The following DLEU7 variants were observed in gnomAD, a reference collection of about 807,000 sequenced individuals.
DLEU7 encodes the protein deleted in lymphocytic leukemia 7, also known as leukemia-associated protein 7.
In DLEU7, 17 loss-of-function variants were observed where a neutral mutation model predicts 16.0. That is an observed-to-expected ratio of 1.06 (90% CI 0.73 to 1.59). DLEU7 has a LOEUF of 1.59. Among genes scored for constraint, DLEU7 ranks in the 40% most tolerant of loss-of-function variants. The probability of loss-of-function intolerance (pLI) is 0.00; values close to 1 mark genes in which losing one functional copy is unlikely to be tolerated. For missense variants in DLEU7, 308 were observed against 314.9 expected (o/e 0.98, Z 0.17); for synonymous variants, 113 against 139.8 (o/e 0.81, Z 1.35).
At chr13:50,835,253 T>A (rs1877416324) in intron 1 of DLEU7, among the ~76,000 whole-genome samples, 1 of 152,150 alleles carries the variant, frequency 6.6e-6, no homozygotes, top group Non-Finnish European at 1.5e-5. Flanking sequence ...TGATGCCAGG[T>A]GCAGTAATGG....
At chr13:50,798,069 C>G (rs376391293) in intron 1 of DLEU7, among the ~76,000 whole-genome samples, 1 of 152,156 alleles carries the variant, frequency 6.6e-6, no homozygotes, top group African/African-American at 2.4e-5. Context: ...TAATAGGTGG[C>G]ACCACCAAAT....
At position 50,823,468 on chromosome 13, in the gene DLEU7, C is replaced by T. The variant is rs752422021; in HGVS notation, c.512G>A (p.Gly171Glu). ...ATTCAAGTCTCTGTCAAACTGCTGT[C>T]CTTCAATCTGTAGAGCCAAATGACT... ...ICSHLALQIE[G>E]QQFDRDLNAA... Residue 171 changes from glycine (G) to glutamate (E), a missense_variant, in exon 2 of 2, where the codon GGA (glycine) becomes GAA (glutamate). Coordinates refer to ENST00000504404, the MANE Select transcript of DLEU7 (RefSeq NM_001306135.2). 2.0e-6 allele frequency: 3 copies of T among 1,535,932 alleles called. No homozygotes were observed. Among genetic ancestry groups the T allele is most frequent in the East Asian group, 2.4e-5 (1 of 40,922 alleles).
upstream of DLEU7, chr13:50,843,757 T>C: frequency 1.4e-6 from 2 of 1,390,720 alleles, no homozygotes; most frequent in South Asian, 1.4e-5. The surrounding 1 kb of genome is among the most constrained non-coding windows in gnomAD (Gnocchi z 5.7). Context: ...CTCCTCGGCC[T>C]CTGGGTCTCA....
chr13:50,775,609 T>G (rs748177241), intron 1 of DLEU7, among the ~76,000 whole-genome samples: 4 of 152,242 alleles, frequency 2.6e-5, no homozygotes, highest in Non-Finnish European at 5.9e-5. Flanking sequence ...CTCCATATTC[T>G]GATTCCTCAG....
intron 1 of DLEU7, among the ~76,000 whole-genome samples, chr13:50,807,000 T>TAAAAAAAA (rs1876409489): frequency 7.9e-6 from 1 of 127,368 alleles, no homozygotes; most frequent in African/African-American, 3.3e-5. Flanking sequence ...AAAAAAAAAG[T>TAAAAAAAA]CGGTCTGCTC....
chr13:50,784,249 C>T (rs1233705095), intron 1 of DLEU7, among the ~76,000 whole-genome samples: 1 of 152,086 alleles, frequency 6.6e-6, no homozygotes, highest in Non-Finnish European at 1.5e-5. Context: ...AGGATTTTTT[C>T]CTAGCTGCTT....
chr13:50,743,889 G>A (rs1874320219), intron 1 of DLEU7, among the ~76,000 whole-genome samples: 3 of 152,296 alleles, frequency 2.0e-5, no homozygotes, highest in East Asian at 1.9e-4. Context: ...TTTGGTGGCT[G>A]TGCTTGTTAT....
At chr13:50,763,639 T>G (rs1304351469) in intron 1 of DLEU7, among the ~76,000 whole-genome samples, 1 of 152,184 alleles carries the variant, frequency 6.6e-6, no homozygotes, top group Non-Finnish European at 1.5e-5. Flanking sequence ...CACCTCTGAA[T>G]GAAATACTCA....
intron 1 of DLEU7, among the ~76,000 whole-genome samples, chr13:50,798,932 G>C (rs781084150): frequency 4.6e-5 from 7 of 152,148 alleles, no homozygotes; most frequent in Non-Finnish European, 1.0e-4. Flanking sequence ...ACTGTCCAGG[G>C]CTTCTTGCTT....
At chr13:50,826,618 G>A (rs926630501) in intron 1 of DLEU7, among the ~76,000 whole-genome samples, 5 of 152,184 alleles carry the variant, frequency 3.3e-5, no homozygotes, top group African/African-American at 1.2e-4. Context: ...GACAGAATGA[G>A]AAAGAGGCAA....
intron 1 of DLEU7, among the ~76,000 whole-genome samples, chr13:50,783,985 A>C (rs532100982): frequency 5.3e-5 from 8 of 152,344 alleles, no homozygotes; most frequent in African/African-American, 1.9e-4. Flanking sequence ...AGAGGTTGCC[A>C]ACCCTTGCTC....
chr13:50,831,158 G>GGAAAA (rs145309017), intron 1 of DLEU7, among the ~76,000 whole-genome samples: 1 of 151,040 alleles, frequency 6.6e-6, no homozygotes, highest in African/African-American at 2.4e-5. Context: ...AAAGGGGAAG[G>GGAAAA]GAAAAGAAAA....
Position 50,808,930 on chromosome 13 carries a change from C to A in DLEU7, c.459+34258G>T, listed in dbSNP as rs556351130. Among the ~76,000 whole-genome samples, 5 of 151,372 alleles carry A rather than the reference C, an allele frequency of 3.3e-5. No homozygotes were observed. The East Asian group carries it at 5.8e-4, about 18-fold the overall frequency. ...AACAAAAAGGGAAATTAAAAAGCCACAGAGAGAAACAACTATGGTGTCCTG... is the reference window on the plus strand; with the variant it reads ...AACAAAAAGGGAAATTAAAAAGCCAAAGAGAGAAACAACTATGGTGTCCTG... On this transcript the variant is annotated intron_variant, in intron 1 of 1. Coordinates refer to the DLEU7 transcript ENST00000400393.
intron 1 of DLEU7, among the ~76,000 whole-genome samples, chr13:50,745,205 A>G (rs2137728371): frequency 6.6e-6 from 1 of 152,374 alleles, no homozygotes; most frequent in East Asian, 1.9e-4. Flanking sequence ...AATGTGGCAT[A>G]TACATAAAAA....
chr13:50,789,348 G>A (rs1463078934), intron 1 of DLEU7, among the ~76,000 whole-genome samples: 1 of 133,312 alleles, frequency 7.5e-6, no homozygotes, highest in Non-Finnish European at 1.7e-5. Context: ...TTCTCCAGAT[G>A]ATGAGACCTA....
intron 1 of DLEU7, among the ~76,000 whole-genome samples, chr13:50,759,414 G>A (rs935363983): frequency 1.3e-5 from 2 of 152,182 alleles, no homozygotes; most frequent in African/African-American, 2.4e-5. Context: ...TTGATTCCAT[G>A]TGTGTAAACT....
At chr13:50,797,208 T>G (rs1005502659) in intron 1 of DLEU7, among the ~76,000 whole-genome samples, 1 of 151,998 alleles carries the variant, frequency 6.6e-6, no homozygotes. Context: ...AGGGAAGTAG[T>G]TGGCATGAAA....
chr13:50,785,303 G>A lies in DLEU7; in HGVS notation c.459+57885C>T, dbSNP rs1033018861. Among the ~76,000 whole-genome samples, 14 of 152,278 alleles carry A rather than the reference G, an allele frequency of 9.2e-5. No individual in the cohort carries two copies. In the South Asian group the frequency reaches 1.9e-3, roughly 20 times the overall value. On this transcript the variant is annotated intron_variant, in intron 1 of 1. Transcript: ENST00000400393. Reference sequence around the variant, plus strand: ...TATTTCACATCTTAGAGCAATTTTAGATTAAATCAGAAGATGTGACAGTAA... The same window carrying A: ...TATTTCACATCTTAGAGCAATTTTAAATTAAATCAGAAGATGTGACAGTAA...
intron 1 of DLEU7, among the ~76,000 whole-genome samples, chr13:50,737,946 GA>G (rs1419115059): frequency 2.0e-5 from 3 of 152,006 alleles, no homozygotes; most frequent in Non-Finnish European, 2.9e-5. Flanking sequence ...TGAATGCAAA[GA>G]AAAAAATTCC....
Sources: allele counts gnomAD v4.1 joint callset (sites outside exome capture counted in the v4.1 genomes callset), GRCh38; gene constraint gnomAD v4.1.1; non-coding constraint Gnocchi (gnomAD v3.1); transcripts MANE v1.5; gene names NCBI Gene and HGNC (gene_info 2026-07-23, HGNC 2026-07-21).